USP25: variants seen among roughly 807,000 people sequenced by gnomAD.
USP25 encodes ubiquitin carboxyl-terminal hydrolase 25.
A neutral mutation model predicts 158.5 loss-of-function variants in USP25; 85 were observed. The observed-to-expected ratio is 0.54, with a 90% confidence interval of 0.45 to 0.64. USP25 has a LOEUF of 0.64. USP25 is among the 30% of genes least tolerant of loss of function. The probability of loss-of-function intolerance (pLI) is 0.00; values close to 1 mark genes in which losing one functional copy is unlikely to be tolerated. For synonymous variants in USP25, 464 were observed against 460.4 expected, an observed-to-expected ratio of 1.01 and a Z score of -0.10; for missense variants, 1,242 against 1,327.3, an observed-to-expected ratio of 0.94 and a Z score of 1.00.
chr21:15,795,043 A>C (rs990192964), intron 5 of USP25, among the ~76,000 whole-genome samples: 4 of 151,598 alleles, frequency 2.6e-5, no homozygotes, highest in Non-Finnish European at 5.9e-5. Flanking sequence ...ATGTGGCACT[A>C]AAATGCTTAA....
At chr21:15,759,616 A>G (rs748432529) in intron 1 of USP25, among the ~76,000 whole-genome samples, 8 of 152,170 alleles carry the variant, frequency 5.3e-5, no homozygotes, top group Non-Finnish European at 1.0e-4. Context: ...GGGTTAAGAT[A>G]AGGAGTTGTG....
chr21:15,737,893 A>G (rs2031675352), intron 1 of USP25, among the ~76,000 whole-genome samples: 1 of 151,864 alleles, frequency 6.6e-6, no homozygotes, highest in African/African-American at 2.4e-5. Context: ...GGTTGGGTAA[A>G]TATCCGAAAT....
intron 6 of USP25, among the ~76,000 whole-genome samples, chr21:15,801,406 C>G (rs985772332): frequency 1.3e-5 from 2 of 151,476 alleles, no homozygotes; most frequent in Non-Finnish European, 3.0e-5. Flanking sequence ...CTCCAGGTGT[C>G]CCTTTAGCTT....
At chr21:15,787,959 A>G (rs1428916282) in intron 4 of USP25, among the ~76,000 whole-genome samples, 2 of 133,602 alleles carry the variant, frequency 1.5e-5, no homozygotes, top group Non-Finnish European at 3.1e-5. Flanking sequence ...ATGATGATCT[A>G]CCATATGTAA....
At chr21:15,835,594 C>T (rs1419268961) in intron 17 of USP25, among the ~76,000 whole-genome samples, 2 of 152,044 alleles carry the variant, frequency 1.3e-5, no homozygotes, top group Admixed American at 6.6e-5. Flanking sequence ...TTTTACCATG[C>T]AAAATAATCT....
chr21:15,859,157 C>A (rs2039298051), intron 20 of USP25, among the ~76,000 whole-genome samples: 1 of 147,620 alleles, frequency 6.8e-6, no homozygotes, highest in South Asian at 2.1e-4. Context: ...ATTATATAGC[C>A]TTTTATAACC....
rs944135046 is a variant in USP25 at position 15,846,915 on chromosome 21, A to G, written c.2338-748A>G. ...GTATTAGTGTAGATTACTGAAATAC[A>G]TAGAATTTGTTAACAATAAAAAGAA... On this transcript the variant is annotated intron_variant, in intron 18 of 25. Coordinates refer to ENST00000400183, the MANE Select transcript of USP25 (RefSeq NM_001283041.3). 5.3e-5 allele frequency among the ~76,000 whole-genome samples: 8 copies of G among 152,188 alleles called. No homozygotes were observed. In the South Asian group the frequency reaches 1.5e-3, roughly 28 times the overall value.
chr21:15,839,673 C>CA (rs1461576106), intron 17 of USP25, among the ~76,000 whole-genome samples: 1 of 152,064 alleles, frequency 6.6e-6, no homozygotes, highest in East Asian at 1.9e-4. Flanking sequence ...AAATTGAAGA[C>CA]AAAACCTCTT....
chr21:15,838,120 G>C (rs2038146785), intron 17 of USP25, among the ~76,000 whole-genome samples: 1 of 151,716 alleles, frequency 6.6e-6, no homozygotes, highest in Non-Finnish European at 1.5e-5. Context: ...TAGAGACAAG[G>C]CTTCACCATG....
chr21:15,819,482 A>G (rs941038003), intron 10 of USP25, among the ~76,000 whole-genome samples: 3 of 152,118 alleles, frequency 2.0e-5, no homozygotes, highest in African/African-American at 4.8e-5. Flanking sequence ...CAAAGGACAT[A>G]CGTGCTTCCC....
At chr21:15,863,375 T>A (rs921015413) in intron 20 of USP25, among the ~76,000 whole-genome samples, 6 of 152,194 alleles carry the variant, frequency 3.9e-5, no homozygotes, top group Non-Finnish European at 8.8e-5. Flanking sequence ...GTACGTACTG[T>A]TGGAGCAATA....
intron 7 of USP25, chr21:15,805,704 A>G (rs1304626866): frequency 6.6e-6 from 1 of 152,248 alleles, no homozygotes; most frequent in Non-Finnish European, 1.5e-5. Flanking sequence ...TTTATCCATT[A>G]CCTTAAAAGA....
intron 1 of USP25, among the ~76,000 whole-genome samples, chr21:15,743,322 C>T (rs551295622): frequency 1.3e-5 from 2 of 152,298 alleles, no homozygotes; most frequent in East Asian, 1.9e-4. Flanking sequence ...TTGTTCCCAC[C>T]GTTTGGCGAG....
chr21:15,747,757 CTCAG>C (rs2032678370), intron 1 of USP25, among the ~76,000 whole-genome samples: 1 of 152,112 alleles, frequency 6.6e-6, no homozygotes, highest in African/African-American at 2.4e-5. Flanking sequence ...ATGCACAGCA[CTCAG>C]TCAGAATAGT....
At chr21:15,730,560 C>G (rs567635035) in intron 1 of USP25, 122 bp downstream of exon 1, 1 of 1,141,944 alleles carries the variant, frequency 8.8e-7, no homozygotes, top group African/African-American at 1.6e-5. Flanking sequence ...CCCGGTCACC[C>G]CCGGCCCCTG....
chr21:15,809,101 G>A (rs1253707423), intron 8 of USP25, among the ~76,000 whole-genome samples: 2 of 152,142 alleles, frequency 1.3e-5, no homozygotes, highest in Non-Finnish European at 2.9e-5. Flanking sequence ...TACATGCCCA[G>A]TTCCTTTTCT....
At chr21:15,851,596 A>G (rs541366790) in intron 20 of USP25, among the ~76,000 whole-genome samples, 2 of 152,018 alleles carry the variant, frequency 1.3e-5, no homozygotes, top group African/African-American at 2.4e-5. Context: ...GCTATATGTG[A>G]TTGAGTTATA....
intron 3 of USP25, chr21:15,773,372 G>A (rs2123471844): frequency 6.6e-6 from 1 of 152,486 alleles, no homozygotes; most frequent in South Asian, 2.1e-4. Flanking sequence ...AATGAAGAGT[G>A]AATATTCTAT....
intron 4 of USP25, among the ~76,000 whole-genome samples, chr21:15,786,020 TG>T (rs1327866313): frequency 1.3e-5 from 2 of 151,816 alleles, no homozygotes; most frequent in Non-Finnish European, 2.9e-5. Context: ...TATGAACAAC[TG>T]TATACCAACA....
Sources: gnomAD v4.1 joint callset for allele counts (sites outside exome capture counted in the v4.1 genomes callset) on GRCh38, gnomAD v4.1.1 for gene constraint, MANE v1.5 for transcripts, NCBI Gene and HGNC (gene_info 2026-07-23, HGNC 2026-07-21) for gene names.